ST8SIA5: variants seen among roughly 807,000 people sequenced by gnomAD.
ST8SIA5 encodes ST8 alpha-N-acetyl-neuraminide alpha-2,8-sialyltransferase 5.
In ST8SIA5, 24 loss-of-function variants were observed where a neutral mutation model predicts 40.2. The ratio of observed to expected loss-of-function variants is 0.60; its 90% CI spans 0.43 to 0.84. The LOEUF (loss-of-function observed/expected upper bound fraction) is 0.84. ST8SIA5 is among the 40% of genes least tolerant of loss of function. The pLI is 0.00. For missense variants in ST8SIA5, 465 were observed against 498.5 expected (o/e 0.93, Z 0.64); for synonymous variants, 198 against 201.8 (o/e 0.98, Z 0.16).
chr18:46,734,228 C>T (rs1204741494), intron 1 of ST8SIA5, among the ~76,000 whole-genome samples: 5 of 152,152 alleles, frequency 3.3e-5, no homozygotes, highest in African/African-American at 4.8e-5. Flanking sequence ...TACTTTCCTA[C>T]GAAGCTCCAG....
intron 1 of ST8SIA5, among the ~76,000 whole-genome samples, chr18:46,712,089 G>C (rs985300610): frequency 6.6e-6 from 1 of 152,142 alleles, no homozygotes; most frequent in African/African-American, 2.4e-5. Context: ...TCCCCACCCC[G>C]GAGTTCTGCA....
Position 46,756,426 on chromosome 18 carries a change from A to T in ST8SIA5, c.83T>A (p.Leu28Ter). 6.2e-7 allele frequency: 1 copy of T among 1,613,244 alleles called. No individual in the cohort carries two copies. Among genetic ancestry groups the T allele is most frequent in the Non-Finnish European group, 8.5e-7 (1 of 1,179,358 alleles). Residue 28 changes from leucine to a stop codon, truncating the protein, a stop_gained, in exon 1 of 7, where the codon TTG (leucine) becomes TAG (stop). Transcript: ENST00000315087. LOFTEE classifies it high-confidence loss of function. ...LLFIFICAFA[L>*]VTLLQQILYG... ...CAGGATCTGTTGCAGCAAGGTCACC[A>T]AGGCAAAGGCGCAGATGAAGATGAA...
chr18:46,723,333 C>T (rs1446516128), intron 1 of ST8SIA5: 1 of 152,186 alleles, frequency 6.6e-6, no homozygotes, highest in Non-Finnish European at 1.5e-5. Context: ...GAGTGGATCA[C>T]CTGAGCTCAG....
At position 46,677,790 on chromosome 18, in the gene ST8SIA5, A is replaced by C. The variant is rs1331454945; in HGVS notation, c.*2252T>G. 14 of 152,184 alleles carry C rather than the reference A, an allele frequency of 9.2e-5. No homozygotes were observed. The highest frequency in any genetic ancestry group is 9.2e-4 in the Admixed American group (14 of 15,268). The allele number at this position is 152,184 out of a possible 1,614,324, so 9.4% of individuals were successfully genotyped here. On this transcript the variant is annotated 3_prime_UTR_variant, in exon 7 of 7. Transcript: ENST00000315087. Reference sequence around the variant, plus strand: ...CTGTGGGAATCCTGATGTCTGTGTCACCAGGGAGCCTCCCCCAAACACTGC... The same window carrying C: ...CTGTGGGAATCCTGATGTCTGTGTCCCCAGGGAGCCTCCCCCAAACACTGC...
intron 5 of ST8SIA5, among the ~76,000 whole-genome samples, chr18:46,683,680 C>T (rs2039419382): frequency 6.6e-6 from 1 of 152,016 alleles, no homozygotes; most frequent in South Asian, 2.1e-4. Flanking sequence ...ATGATCCAAC[C>T]ATACCCCTCT....
Position 46,756,371 on chromosome 18 carries a change from T to G in ST8SIA5, c.131+7A>C. The G allele has an allele frequency of 6.2e-7, 1 of 1,611,496 alleles. No individual in the cohort carries two copies. The highest frequency in any genetic ancestry group is 8.5e-7 in the Non-Finnish European group (1 of 1,178,420). The stretch of plus-strand genomic sequence containing the variant: ...GCGCATCCCGCCCTCTCAATGGACT[T>G]TCTTACCTCTTAATGTAGTTCCTGC... On this transcript the variant is annotated splice_region_variant and intron_variant, in intron 1 of 6. Transcript: ENST00000315087.
chr18:46,715,859 A>G (rs1385884694), intron 1 of ST8SIA5, among the ~76,000 whole-genome samples: 1 of 152,070 alleles, frequency 6.6e-6, no homozygotes, highest in African/African-American at 2.4e-5. Flanking sequence ...AAGTTCTGGG[A>G]TTATAGGCAT....
chr18:46,719,420 G>A (rs2039828650), intron 1 of ST8SIA5, among the ~76,000 whole-genome samples: 1 of 152,152 alleles, frequency 6.6e-6, no homozygotes, highest in Admixed American at 6.5e-5. Flanking sequence ...AGAAAGGAAG[G>A]ATGGACAAAA....
At chr18:46,749,953 A>G (rs1384378352) in intron 1 of ST8SIA5, among the ~76,000 whole-genome samples, 1 of 152,162 alleles carries the variant, frequency 6.6e-6, no homozygotes, top group Non-Finnish European at 1.5e-5. Flanking sequence ...CAAGAAGTCT[A>G]CAACCTGCAG....
chr18:46,707,903 G>T (rs2039685291), intron 1 of ST8SIA5, among the ~76,000 whole-genome samples: 1 of 152,158 alleles, frequency 6.6e-6, no homozygotes, highest in Admixed American at 6.5e-5. Context: ...GGACTTCTCA[G>T]CCTCCAGAAC....
chr18:46,700,469 C>G (rs2039601459), intron 2 of ST8SIA5, among the ~76,000 whole-genome samples: 1 of 152,170 alleles, frequency 6.6e-6, no homozygotes, highest in African/African-American at 2.4e-5. Flanking sequence ...CCCCCGGGTC[C>G]CAAGATAGTG....
At chr18:46,684,779 C>G (rs1279004629) in intron 5 of ST8SIA5, among the ~76,000 whole-genome samples, 1 of 152,224 alleles carries the variant, frequency 6.6e-6, no homozygotes, top group Non-Finnish European at 1.5e-5. Context: ...AGCGAGACCA[C>G]TCAGCGGGTC....
intron 1 of ST8SIA5, among the ~76,000 whole-genome samples, chr18:46,730,609 G>T (rs1482884570): frequency 6.6e-6 from 1 of 152,156 alleles, no homozygotes; most frequent in Non-Finnish European, 1.5e-5. Flanking sequence ...AAGGCAGGGG[G>T]ATAGCTTGAG....
At chr18:46,716,849 C>T (rs1301415986) in intron 1 of ST8SIA5, among the ~76,000 whole-genome samples, 2 of 152,204 alleles carry the variant, frequency 1.3e-5, no homozygotes, top group Non-Finnish European at 2.9e-5. Flanking sequence ...AAAGGTGATT[C>T]GGTTGGGCTG....
At chr18:46,732,644 A>T (rs1236218769) in intron 1 of ST8SIA5, among the ~76,000 whole-genome samples, 1 of 152,236 alleles carries the variant, frequency 6.6e-6, no homozygotes, top group Non-Finnish European at 1.5e-5. Context: ...ATTCGTAAAA[A>T]AACAATAAAA....
intron 5 of ST8SIA5, among the ~76,000 whole-genome samples, chr18:46,685,704 A>G (rs2039439225): frequency 6.6e-6 from 1 of 152,154 alleles, no homozygotes; most frequent in Non-Finnish European, 1.5e-5. Context: ...AAAGATATAA[A>G]TGAAGATCCA....
intron 1 of ST8SIA5, among the ~76,000 whole-genome samples, chr18:46,727,278 C>CA (rs1489739224): frequency 6.6e-6 from 1 of 152,196 alleles, no homozygotes; most frequent in African/African-American, 2.4e-5. Context: ...TTTATGGAGG[C>CA]TCAGCTTTTC....
intron 1 of ST8SIA5, among the ~76,000 whole-genome samples, chr18:46,724,573 G>C (rs1425982552): frequency 6.6e-6 from 1 of 152,232 alleles, no homozygotes; most frequent in African/African-American, 2.4e-5. Flanking sequence ...ATTTCTTGGA[G>C]AAAATTTGGG....
rs939688073 is a variant in ST8SIA5, at chr18:46,756,708, G to A, written c.-200C>T. On this transcript the variant is annotated 5_prime_UTR_variant, in exon 1 of 7. Coordinates refer to ENST00000315087, the MANE Select transcript of ST8SIA5 (RefSeq NM_013305.6). Reference sequence around the variant, plus strand: ...AGCGTCGCAGGCGCTGGGGCGGCAAGCAGGACAGGGCCGGTGGCAGGGAGC... The same window carrying A: ...AGCGTCGCAGGCGCTGGGGCGGCAAACAGGACAGGGCCGGTGGCAGGGAGC... 5.2e-6 allele frequency: 3 copies of A among 572,814 alleles called. No individual in the cohort carries two copies. Among genetic ancestry groups the A allele is most frequent in the Non-Finnish European group, 8.8e-6 (3 of 342,364 alleles). The allele number at this position is 572,814 out of a possible 1,614,324, so 35.5% of individuals were successfully genotyped here.
Sources: gnomAD v4.1 joint callset for allele counts (sites outside exome capture counted in the v4.1 genomes callset) on GRCh38, gnomAD v4.1.1 for gene constraint, MANE v1.5 for transcripts, NCBI Gene and HGNC (gene_info 2026-07-23, HGNC 2026-07-21) for gene names.